The following KIF9 variants were observed in gnomAD, a reference collection of about 807,000 sequenced individuals.
KIF9 encodes kinesin family member 9, also known as kinesin-like protein KIF9.
A neutral mutation model predicts 94.8 loss-of-function variants in KIF9; 68 were observed. The ratio of observed to expected loss-of-function variants is 0.72; its 90% CI spans 0.59 to 0.88. The LOEUF is 0.88. KIF9 is among the 40% of genes least tolerant of loss of function. The pLI, the probability that KIF9 is intolerant of heterozygous loss-of-function variation, is 0.00. For missense variants in KIF9, 882 were observed against 982.5 expected (o/e 0.90, Z 1.37); for synonymous variants, 343 against 362.1 (o/e 0.95, Z 0.60).
chr3:47,241,845 T>A (rs1185024147), intron 16 of KIF9, among the ~76,000 whole-genome samples: 3 of 103,146 alleles, frequency 2.9e-5, no homozygotes, highest in South Asian at 3.1e-4. Flanking sequence ...ATATATAAAA[T>A]ATATATATAT....
At chr3:47,245,321 C>A (rs979281939) in intron 14 of KIF9, 100 bp downstream of exon 14, 67 of 905,940 alleles carry the variant, frequency 7.4e-5, no homozygotes, top group South Asian at 1.9e-4. Context: ...CTGTTGCAAT[C>A]CTAGCTCTGG....
intron 5 of KIF9, among the ~76,000 whole-genome samples, chr3:47,267,869 CTCCT>C (rs1264237342): frequency 2.1e-5 from 3 of 140,370 alleles, no homozygotes; most frequent in African/African-American, 7.9e-5. Flanking sequence ...ATTTTGTGTT[CTCCT>C]TTTTTTTTTT....
At chr3:47,230,803 G>A (rs1052932713) in intron 20 of KIF9, among the ~76,000 whole-genome samples, 2 of 152,162 alleles carry the variant, frequency 1.3e-5, no homozygotes, top group Non-Finnish European at 2.9e-5. Flanking sequence ...ACTTTGGGAA[G>A]CCAAGGCGGG....
intron 9 of KIF9, among the ~76,000 whole-genome samples, chr3:47,257,870 A>AC (rs1700722355): frequency 6.6e-6 from 1 of 151,734 alleles, no homozygotes; most frequent in South Asian, 2.1e-4. Context: ...TGCTCAGGTG[A>AC]CCCCCTGCCT....
At chr3:47,258,215 A>T (rs555373494) in intron 9 of KIF9, among the ~76,000 whole-genome samples, 9 of 152,262 alleles carry the variant, frequency 5.9e-5, no homozygotes, top group African/African-American at 2.2e-4. Context: ...AGATATCAAA[A>T]ATATTATGGT....
chr3:47,244,162 G>A (rs1699767603), intron 15 of KIF9: 1 of 152,596 alleles, frequency 6.6e-6, no homozygotes, highest in Non-Finnish European at 1.5e-5. Flanking sequence ...AACAGGCACA[G>A]AGCGGTTCTC....
intron 20 of KIF9, among the ~76,000 whole-genome samples, chr3:47,233,001 A>G (rs1344943220): frequency 6.6e-6 from 1 of 151,160 alleles, no homozygotes; most frequent in Non-Finnish European, 1.5e-5. Flanking sequence ...AAAAAACAAA[A>G]ACCATAAGGA....
chr3:47,239,798 G>A (rs1699330821), intron 17 of KIF9: 1 of 1,366,506 alleles, frequency 7.3e-7, no homozygotes, highest in African/African-American at 1.5e-5. Context: ...TGAGTGAGAT[G>A]ATGCATCTGA....
intron 10 of KIF9, among the ~76,000 whole-genome samples, chr3:47,254,129 C>T (rs1381464268): frequency 6.6e-6 from 1 of 152,134 alleles, no homozygotes; most frequent in Non-Finnish European, 1.5e-5. Flanking sequence ...TGTTATCTAC[C>T]CAACTTACAA....
chr3:47,262,250 G>T (rs1701021903), intron 9 of KIF9, among the ~76,000 whole-genome samples: 1 of 151,860 alleles, frequency 6.6e-6, no homozygotes, highest in Non-Finnish European at 1.5e-5. Context: ...GCTCTTCTTG[G>T]GTTCAACCAT....
chr3:47,235,066 C>A (rs749586085), intron 20 of KIF9, among the ~76,000 whole-genome samples: 97 of 152,194 alleles, frequency 6.4e-4, no homozygotes, highest in Non-Finnish European at 1.2e-3. Context: ...CCAGACAAGG[C>A]CTTAGTAGAA....
chr3:47,242,397 G>A (rs1025321305), intron 16 of KIF9, among the ~76,000 whole-genome samples: 1 of 152,190 alleles, frequency 6.6e-6, no homozygotes, highest in Admixed American at 6.5e-5. Context: ...GAGGCAGAAT[G>A]AAACAAGAAT....
intron 11 of KIF9, 93 bp from the exon 12 acceptor site, chr3:47,247,570 G>T: frequency 1.0e-6 from 1 of 978,656 alleles, no homozygotes; most frequent in Non-Finnish European, 1.6e-6. Context: ...AAGTGGGGAG[G>T]CTGGGCACAG....
chr3:47,235,662 C>G (rs746813158), intron 19 of KIF9, 45 bp from the exon 20 acceptor site: 1 of 1,453,518 alleles, frequency 6.9e-7, no homozygotes, highest in South Asian at 1.1e-5. Flanking sequence ...CAGGATATAC[C>G]CTAGCAGAGC....
intron 9 of KIF9, among the ~76,000 whole-genome samples, chr3:47,259,761 A>G (rs925775603): frequency 1.4e-5 from 2 of 144,982 alleles, no homozygotes; most frequent in African/African-American, 5.2e-5. Context: ...AGATGCTTGA[A>G]GGCAGCATGC....
At chr3:47,248,404 G>C (rs972579293) in intron 10 of KIF9, among the ~76,000 whole-genome samples, 19 of 152,040 alleles carry the variant, frequency 1.2e-4, no homozygotes, top group Non-Finnish European at 2.2e-4. Context: ...CAGTCTACCA[G>C]GATAATGGCC....
At chr3:47,282,244 C>T in intron 1 of KIF9, 2 of 985,584 alleles carry the variant, frequency 2.0e-6, no homozygotes, top group Non-Finnish European at 2.4e-6. Context: ...GCCTCACGGC[C>T]TCTATGTCCT....
chr3:47,264,241 A>G (rs753986490), intron 9 of KIF9, 45 bp downstream of exon 9: 2 of 1,478,766 alleles, frequency 1.4e-6, no homozygotes, highest in Non-Finnish European at 1.9e-6. Flanking sequence ...CCTGGCACCC[A>G]TGAAGGGGGA....
rs1210371891 is a variant in KIF9, at chr3:47,245,512, C to T, written c.1290-1G>A. On this transcript the variant is annotated splice_acceptor_variant, in intron 13 of 20. Coordinates refer to ENST00000684063, the MANE Select transcript of KIF9 (RefSeq NM_182902.4). LOFTEE classifies it high-confidence loss of function. ...GGACTCCACTTCCTGTTCCTGTTGGCTTGGGAGACAGCAAGAGAGAACAGC... is the reference window on the plus strand; with the variant it reads ...GGACTCCACTTCCTGTTCCTGTTGGTTTGGGAGACAGCAAGAGAGAACAGC... The T allele has an allele frequency of 1.9e-6, 3 of 1,612,140 alleles. No homozygotes were observed.
Sources: allele counts gnomAD v4.1 joint callset (sites outside exome capture counted in the v4.1 genomes callset), GRCh38; gene constraint gnomAD v4.1.1; transcripts MANE v1.5; gene names NCBI Gene and HGNC (gene_info 2026-07-23, HGNC 2026-07-21).